The following ADAM18 variants were observed in gnomAD, a reference collection of about 807,000 sequenced individuals.
The protein encoded by ADAM18 is ADAM metallopeptidase domain 18.
ADAM18 carries 117 observed loss-of-function variants against 94.4 expected under a neutral mutation model. The observed-to-expected ratio is 1.24, with a 90% CI of 1.07 to 1.45. The LOEUF (loss-of-function observed/expected upper bound fraction) is 1.45, where lower values mean the gene tolerates loss of function less well. Among genes scored for constraint, ADAM18 ranks in the 40% most tolerant of loss-of-function variants. The pLI is 0.00. For synonymous variants in ADAM18, 327 were observed against 291.6 expected, an observed-to-expected ratio of 1.12 and a Z score of -1.24; for missense variants, 936 against 880.0, an observed-to-expected ratio of 1.06 and a Z score of -0.81.
intron 5 of ADAM18, 146 bp downstream of exon 5, chr8:39,609,707 A>G (rs1355854189): frequency 3.7e-6 from 2 of 544,988 alleles, no homozygotes; most frequent in East Asian, 5.6e-5. Flanking sequence ...TTCTATTTGT[A>G]TTAATGTTAA....
chr8:39,669,305 CT>C lies in ADAM18; in HGVS notation c.1525+1117del, dbSNP rs1031625125. On this transcript the variant is annotated intron_variant, in intron 14 of 19. Coordinates refer to ENST00000265707, the MANE Select transcript of ADAM18 (RefSeq NM_014237.3). The stretch of plus-strand genomic sequence containing the variant: ...TTTTAAATTTTATTATTATTATACT[CT>C]TTTTTTTAAATTTTATTATTATTAT... Among the ~76,000 whole-genome samples the C allele has an allele frequency of 5.9e-4, 88 of 148,386 alleles. 1 individual carries two copies. Among genetic ancestry groups the C allele is most frequent in the African/African-American group, 1.6e-3 (65 of 40,448 alleles).
At chr8:39,603,334 G>C (rs953527537) in intron 2 of ADAM18, among the ~76,000 whole-genome samples, 1 of 152,004 alleles carries the variant, frequency 6.6e-6, no homozygotes, top group African/African-American at 2.4e-5. Context: ...TCAAAATTTT[G>C]GTGGCTATTC....
intron 19 of ADAM18, among the ~76,000 whole-genome samples, chr8:39,727,979 C>G (rs1822966077): frequency 6.6e-6 from 1 of 152,178 alleles, no homozygotes; most frequent in Non-Finnish European, 1.5e-5. Flanking sequence ...GGCTTCTGCT[C>G]AGCTTTTAGG....
At chr8:39,677,976 T>A (rs1416529546) in intron 15 of ADAM18, among the ~76,000 whole-genome samples, 1 of 152,196 alleles carries the variant, frequency 6.6e-6, no homozygotes, top group Non-Finnish European at 1.5e-5. Context: ...TATCTATTAA[T>A]AACTAAATTC....
At chr8:39,698,511 G>A (rs1196614041) in intron 17 of ADAM18, among the ~76,000 whole-genome samples, 1 of 151,906 alleles carries the variant, frequency 6.6e-6, no homozygotes, top group South Asian at 2.1e-4. Context: ...GAATTGCTTG[G>A]TGTGTGAGAA....
chr8:39,639,572 G>T (rs190373032), intron 10 of ADAM18, among the ~76,000 whole-genome samples: 1 of 151,664 alleles, frequency 6.6e-6, no homozygotes, highest in African/African-American at 2.4e-5. Flanking sequence ...TCCATATTTC[G>T]ACTGCTTCAT....
chr8:39,727,456 G>A (rs1222799999), intron 19 of ADAM18, among the ~76,000 whole-genome samples: 2 of 152,126 alleles, frequency 1.3e-5, no homozygotes, highest in Non-Finnish European at 2.9e-5. Flanking sequence ...GTTAGAAGCA[G>A]CCAGGCAACA....
At chr8:39,713,608 A>G (rs1822482411) in intron 18 of ADAM18, among the ~76,000 whole-genome samples, 1 of 152,056 alleles carries the variant, frequency 6.6e-6, no homozygotes, top group Non-Finnish European at 1.5e-5. Context: ...AAAACAAACA[A>G]CCCCATCAAA....
At chr8:39,703,164 A>G (rs1382380099) in intron 17 of ADAM18, among the ~76,000 whole-genome samples, 1 of 152,126 alleles carries the variant, frequency 6.6e-6, no homozygotes, top group East Asian at 1.9e-4. Flanking sequence ...TTCTTTGAGC[A>G]ATGTTTTGTA....
chr8:39,718,652 T>C lies in ADAM18; in HGVS notation c.2018-5096T>C, dbSNP rs1022134575. Among the ~76,000 whole-genome samples the C allele has an allele frequency of 4.0e-5, 6 of 149,624 alleles. No homozygotes were observed. In the East Asian group the frequency reaches 1.2e-3, roughly 29 times the overall value. On this transcript the variant is annotated intron_variant, in intron 18 of 19. Coordinates refer to ENST00000265707, the MANE Select transcript of ADAM18 (RefSeq NM_014237.3). ...CTGCTGTACAACATTGTAGCTATAG[T>C]CAACAATAAGTACACTTAAAACTCT...
chr8:39,723,850 T>C lies in ADAM18; in HGVS notation c.2120T>C (p.Ile707Thr), dbSNP rs529760118. The change falls in exon 19 of 20, where the codon ATC becomes ACC. Residue 707 changes from isoleucine (I) to threonine (T), a missense_variant. Physicochemically the swap from Ile to Thr is moderately conservative, Grantham distance 89. Coordinates refer to ENST00000265707, the MANE Select transcript of ADAM18 (RefSeq NM_014237.3). ...TTTTTCATAGTTTTCACCACTGTGA[T>C]CTTTAAAAGAAATGAAATAAGTAAA... The part of the protein sequence containing the change: ...LPFFIVFTTV[I>T]FKRNEISKSC... 1 of 1,575,142 alleles carries C rather than the reference T, an allele frequency of 6.3e-7. No homozygotes were observed. Among genetic ancestry groups the C allele is most frequent in the Non-Finnish European group, 8.6e-7 (1 of 1,159,506 alleles).
At chr8:39,697,179 A>G (rs1406450073) in intron 17 of ADAM18, among the ~76,000 whole-genome samples, 2 of 151,562 alleles carry the variant, frequency 1.3e-5, no homozygotes, top group African/African-American at 2.4e-5. Context: ...ATTGCTAGCC[A>G]GTGTATTAAA....
chr8:39,614,164 A>G lies in ADAM18; in HGVS notation c.522+3458A>G, dbSNP rs1022149759. On this transcript the variant is annotated intron_variant, in intron 6 of 19. Transcript: ENST00000265707. Reference sequence around the variant, plus strand: ...TGCTATACGAGACAACCATCCCAAGACACATAGTCATCAGATTCTCCAAAC... The same window carrying G: ...TGCTATACGAGACAACCATCCCAAGGCACATAGTCATCAGATTCTCCAAAC... 3.8e-4 allele frequency among the ~76,000 whole-genome samples: 58 copies of G among 152,208 alleles called. 2 individuals are homozygous for G.
intron 12 of ADAM18, among the ~76,000 whole-genome samples, chr8:39,649,722 C>T (rs1426268488): frequency 6.6e-6 from 1 of 152,120 alleles, no homozygotes; most frequent in Non-Finnish European, 1.5e-5. Flanking sequence ...CCTGTTACCT[C>T]AGTGGTATGT....
At chr8:39,686,219 A>G (rs1416143591) in intron 16 of ADAM18, among the ~76,000 whole-genome samples, 3 of 152,164 alleles carry the variant, frequency 2.0e-5, no homozygotes, top group African/African-American at 4.8e-5. Context: ...TTTTATGGCA[A>G]CATTCCACCT....
At chr8:39,636,402 A>T (rs1820077594) in intron 7 of ADAM18, among the ~76,000 whole-genome samples, 1 of 152,128 alleles carries the variant, frequency 6.6e-6, no homozygotes, top group African/African-American at 2.4e-5. Context: ...ATCTTTGGCC[A>T]TTTTGGCAAA....
Position 39,615,470 on chromosome 8 carries a change from T to G in ADAM18, c.522+4764T>G, listed in dbSNP as rs186281751. ...GCAGGTTGTTTAACAAAATCCCACA[T>G]GAGCATCTCAGCAGATACAGAAAAG... On this transcript the variant is annotated intron_variant, in intron 6 of 19. Coordinates refer to ENST00000265707, the MANE Select transcript of ADAM18 (RefSeq NM_014237.3). Among the ~76,000 whole-genome samples the G allele has an allele frequency of 2.0e-5, 3 of 152,294 alleles. No homozygotes were observed. In the East Asian group the frequency reaches 5.8e-4, roughly 29 times the overall value.
intron 12 of ADAM18, among the ~76,000 whole-genome samples, chr8:39,656,261 AT>A (rs1418621530): frequency 2.6e-5 from 4 of 152,108 alleles, no homozygotes; most frequent in African/African-American, 9.6e-5. Flanking sequence ...AATTATAGTT[AT>A]TAAGGCAGTA....
At chr8:39,671,087 T>C (rs1435201165) in intron 14 of ADAM18, among the ~76,000 whole-genome samples, 1 of 152,222 alleles carries the variant, frequency 6.6e-6, no homozygotes, top group Non-Finnish European at 1.5e-5. Flanking sequence ...ATAGCCTTCA[T>C]CGTATGCCTC....
Sources: allele counts gnomAD v4.1 joint callset (sites outside exome capture counted in the v4.1 genomes callset), GRCh38; gene constraint gnomAD v4.1.1; transcripts MANE v1.5; gene names NCBI Gene and HGNC (gene_info 2026-07-23, HGNC 2026-07-21).